Variants in FAF1 observed in about 807,000 individuals in gnomAD.
FAF1 encodes the protein FAS-associated factor 1.
A neutral mutation model predicts 92.5 loss-of-function variants in FAF1; 25 were observed. That is an observed-to-expected ratio of 0.27 (90% CI 0.20 to 0.38). The LOEUF is 0.38. Ranked by LOEUF, FAF1 falls within the 10% of genes least tolerant of loss-of-function variation. FAF1 has a pLI of 1.00. For synonymous variants in FAF1, 234 were observed against 273.2 expected (o/e 0.86, Z 1.42); for missense variants, 636 against 793.3 (o/e 0.80, Z 2.38).
chr1:50,652,604 T>A (rs1276823105), intron 8 of FAF1, among the ~76,000 whole-genome samples: 1 of 152,222 alleles, frequency 6.6e-6, no homozygotes, highest in African/African-American at 2.4e-5. Context: ...AAACTTTTTA[T>A]TATGAAAATT....
intron 13 of FAF1, among the ~76,000 whole-genome samples, chr1:50,566,588 C>T (rs187293601): frequency 1.2e-4 from 18 of 152,050 alleles, no homozygotes; most frequent in African/African-American, 3.6e-4. Flanking sequence ...GTATTGTTGG[C>T]TGTGTGCAAA....
At chr1:50,931,709 T>C (rs1645048194) in intron 1 of FAF1, among the ~76,000 whole-genome samples, 1 of 151,268 alleles carries the variant, frequency 6.6e-6, no homozygotes, top group Non-Finnish European at 1.5e-5. Context: ...CTACTAAAAA[T>C]ACAACAACAA....
At chr1:50,836,024 C>G (rs1156237743) in intron 2 of FAF1, among the ~76,000 whole-genome samples, 2 of 152,126 alleles carry the variant, frequency 1.3e-5, no homozygotes, top group Non-Finnish European at 2.9e-5. Context: ...GAATATTTCT[C>G]TAAAACACAC....
intron 8 of FAF1, among the ~76,000 whole-genome samples, chr1:50,602,309 G>T (rs1354005668): frequency 6.6e-6 from 1 of 152,174 alleles, no homozygotes. Context: ...ATTTCATCCA[G>T]ATTTGGGAAT....
intron 6 of FAF1, among the ~76,000 whole-genome samples, chr1:50,725,487 G>A (rs189957147): frequency 2.0e-4 from 31 of 152,212 alleles, no homozygotes; most frequent in Non-Finnish European, 3.2e-4. Context: ...ACAGAGTCTC[G>A]CTCTGTTGCC....
intron 8 of FAF1, among the ~76,000 whole-genome samples, chr1:50,627,699 G>C (rs111876956): frequency 0.012 from 1,892 of 152,200 alleles, 41 homozygotes; most frequent in African/African-American, 0.042. Context: ...GGAATGTGAG[G>C]GGGGGCTTCT....
chr1:50,629,011 G>C (rs973598935), intron 8 of FAF1, among the ~76,000 whole-genome samples: 3 of 152,110 alleles, frequency 2.0e-5, no homozygotes, highest in African/African-American at 4.8e-5. Flanking sequence ...CAGCTCATAG[G>C]GTTGCTGGGA....
chr1:50,523,115 T>C (rs1219035586), intron 15 of FAF1, among the ~76,000 whole-genome samples: 1 of 152,234 alleles, frequency 6.6e-6, no homozygotes, highest in East Asian at 1.9e-4. Context: ...TTATTAAGGC[T>C]AAATAATATT....
At chr1:50,502,705 T>C (rs1320941607) in intron 15 of FAF1, among the ~76,000 whole-genome samples, 1 of 152,164 alleles carries the variant, frequency 6.6e-6, no homozygotes, top group East Asian at 1.9e-4. Context: ...TGGAATACTG[T>C]ATTTTAGTAT....
chr1:50,850,894 A>G (rs1644342957), intron 2 of FAF1, among the ~76,000 whole-genome samples: 1 of 152,174 alleles, frequency 6.6e-6, no homozygotes, highest in African/African-American at 2.4e-5. Context: ...GAAACTAGCA[A>G]GAAGAATTGC....
chr1:50,862,310 A>G (rs1208897304), intron 1 of FAF1, among the ~76,000 whole-genome samples: 1 of 151,896 alleles, frequency 6.6e-6, no homozygotes, highest in Non-Finnish European at 1.5e-5. Context: ...ATCATCTTAA[A>G]CATACTTATA....
intron 17 of FAF1, among the ~76,000 whole-genome samples, chr1:50,484,606 T>C (rs1385990547): frequency 1.3e-5 from 2 of 152,148 alleles, no homozygotes; most frequent in African/African-American, 2.4e-5. Context: ...ATGCCAATGA[T>C]GATGATGACA....
chr1:50,916,478 C>T (rs1644919194), intron 1 of FAF1, among the ~76,000 whole-genome samples: 1 of 152,180 alleles, frequency 6.6e-6, no homozygotes, highest in Admixed American at 6.5e-5. Flanking sequence ...TGGCACTACC[C>T]TCCTCCTAAT....
intron 18 of FAF1, among the ~76,000 whole-genome samples, chr1:50,457,848 G>A (rs1646374430): frequency 7.4e-6 from 1 of 135,820 alleles, no homozygotes; most frequent in African/African-American, 2.8e-5. Context: ...CTGGGTGACA[G>A]AGTAAGACCC....
At chr1:50,911,505 G>A (rs574417190) in intron 1 of FAF1, among the ~76,000 whole-genome samples, 5 of 150,664 alleles carry the variant, frequency 3.3e-5, no homozygotes, top group East Asian at 2.0e-4. Context: ...AGACCAGTCC[G>A]GCCAACATGG....
chr1:50,829,137 G>C lies in FAF1; in HGVS notation c.115-27460C>G, dbSNP rs904289657. Among the ~76,000 whole-genome samples the C allele has an allele frequency of 8.5e-5, 13 of 152,294 alleles. No individual in the cohort carries two copies. In the East Asian group the frequency reaches 1.3e-3, roughly 16 times the overall value. On this transcript the variant is annotated intron_variant, in intron 2 of 18. Coordinates refer to ENST00000396153, the MANE Select transcript of FAF1 (RefSeq NM_007051.3). ...ACAGGTAGTGAGTGGCAAGAATGTA[G>C]AGCAACTGGAACTCTCAAACTCTGC...
chr1:50,511,607 G>A (rs12121630), intron 15 of FAF1, among the ~76,000 whole-genome samples: 31,688 of 152,016 alleles, frequency 0.21, 4,145 homozygotes, highest in African/African-American at 0.37. Context: ...ATAATATCCC[G>A]TGGTGTATAT....
At chr1:50,573,998 G>A (rs1025280668) in intron 12 of FAF1, among the ~76,000 whole-genome samples, 6 of 152,020 alleles carry the variant, frequency 3.9e-5, no homozygotes, top group Admixed American at 3.9e-4. Flanking sequence ...GTGTGGTGGG[G>A]TGCGCCTGTA....
chr1:50,530,919 G>A (rs531169186), intron 15 of FAF1, among the ~76,000 whole-genome samples: 110 of 152,252 alleles, frequency 7.2e-4, no homozygotes, highest in Non-Finnish European at 1.3e-3. Flanking sequence ...CAAAGGAAAG[G>A]AAAAGGAATG....
Sources: gnomAD v4.1 joint callset for allele counts (sites outside exome capture counted in the v4.1 genomes callset) on GRCh38, gnomAD v4.1.1 for gene constraint, MANE v1.5 for transcripts, NCBI Gene and HGNC (gene_info 2026-07-23, HGNC 2026-07-21) for gene names.